EIF2B3: variants seen among roughly 807,000 people sequenced by gnomAD.
The protein encoded by EIF2B3 is translation initiation factor eIF2B subunit gamma.
Under a neutral mutation model 54.1 loss-of-function variants are expected in EIF2B3, and 20 were observed. That is an observed-to-expected ratio of 0.37 (90% CI 0.26 to 0.54). The LOEUF is 0.54. EIF2B3 is among the 20% of genes least tolerant of loss of function. The pLI, the probability that EIF2B3 is intolerant of heterozygous loss-of-function variation, is 0.86. For missense variants in EIF2B3, 448 were observed against 547.8 expected, an observed-to-expected ratio of 0.82 and a Z score of 1.82; for synonymous variants, 153 against 188.1, an observed-to-expected ratio of 0.81 and a Z score of 1.52.
intron 3 of EIF2B3, among the ~76,000 whole-genome samples, chr1:44,942,377 T>TTA (rs1170326455): frequency 0.02 from 424 of 21,554 alleles, 8 homozygotes; most frequent in Middle Eastern, 0.029. Flanking sequence ...CTTTCTGATT[T>TTA]TATATATATA....
At chr1:44,898,487 A>G (rs556976579) in intron 5 of EIF2B3, among the ~76,000 whole-genome samples, 5 of 152,342 alleles carry the variant, frequency 3.3e-5, no homozygotes, top group African/African-American at 1.2e-4. Context: ...ATAAATGAAT[A>G]AATGAGGTCA....
At chr1:44,934,480 A>T (rs12729254) in intron 4 of EIF2B3, among the ~76,000 whole-genome samples, 2 of 151,806 alleles carry the variant, frequency 1.3e-5, no homozygotes, top group African/African-American at 4.8e-5. Flanking sequence ...TGTTTTTTAA[A>T]TTTTTTTAAT....
At chr1:44,922,126 C>A (rs1643749237) in intron 5 of EIF2B3, among the ~76,000 whole-genome samples, 1 of 150,950 alleles carries the variant, frequency 6.6e-6, no homozygotes, top group African/African-American at 2.4e-5. Context: ...AGGCTGGTCT[C>A]TGGTCTCTAA....
chr1:44,927,939 A>G (rs1018733865), intron 4 of EIF2B3, among the ~76,000 whole-genome samples: 24 of 152,294 alleles, frequency 1.6e-4, no homozygotes, highest in African/African-American at 5.5e-4. Flanking sequence ...AGGCAGAAGC[A>G]TCACTTGAGC....
chr1:44,881,520 C>T lies in EIF2B3; in HGVS notation c.784+92G>A. The T allele has an allele frequency of 1.3e-6, 2 of 1,512,846 alleles. No homozygotes were observed. Among genetic ancestry groups the T allele is most frequent in the Non-Finnish European group, 1.8e-6 (2 of 1,095,750 alleles). 93.7% of individuals were successfully genotyped at this position (1,512,846 alleles called of 1,614,324 possible). A position where few individuals can be genotyped will look rare whatever the true frequency, so the allele number is the denominator to read the frequency against. On this transcript the variant is annotated intron_variant, in intron 7 of 11. Coordinates refer to ENST00000360403, the MANE Select transcript of EIF2B3 (RefSeq NM_020365.5). The surrounding 1 kb of genome is among the most constrained non-coding windows in gnomAD (Gnocchi z 4.0). ...CTAGAAATAGTCTGCTGCCTTGAGT[C>T]AGGCATCTTGGGCTGGGCTAAGCTG... is the stretch of plus-strand genomic sequence containing the variant.
At chr1:44,966,964 C>T (rs114769629) in intron 3 of EIF2B3, among the ~76,000 whole-genome samples, 1,618 of 151,892 alleles carry the variant, frequency 0.011, 32 homozygotes, top group African/African-American at 0.037. Context: ...TACGAGCACA[C>T]GCCACTATGG....
chr1:44,964,336 C>A (rs1181489795), intron 3 of EIF2B3, among the ~76,000 whole-genome samples: 3 of 152,124 alleles, frequency 2.0e-5, no homozygotes, highest in African/African-American at 7.2e-5. Context: ...GGACCAAGTT[C>A]TCAGATCTTC....
At chr1:44,929,982 T>C (rs1643882134) in intron 4 of EIF2B3, among the ~76,000 whole-genome samples, 1 of 152,208 alleles carries the variant, frequency 6.6e-6, no homozygotes, top group Non-Finnish European at 1.5e-5. Context: ...CAGGTAATTG[T>C]AGAATGTCTT....
chr1:44,963,327 G>A (rs1644305125), intron 3 of EIF2B3, among the ~76,000 whole-genome samples: 1 of 150,464 alleles, frequency 6.6e-6, no homozygotes, highest in Non-Finnish European at 1.5e-5. Flanking sequence ...CTGAAGTGCA[G>A]TGGCTGATCT....
chr1:44,887,733 C>T (rs931718834), intron 6 of EIF2B3, among the ~76,000 whole-genome samples: 4 of 151,956 alleles, frequency 2.6e-5, no homozygotes, highest in Admixed American at 2.0e-4. Context: ...GGTGAAACAC[C>T]ATCTCTATTA....
At chr1:44,950,113 C>T (rs984786567) in intron 3 of EIF2B3, among the ~76,000 whole-genome samples, 1 of 152,150 alleles carries the variant, frequency 6.6e-6, no homozygotes, top group African/African-American at 2.4e-5. Context: ...AAAAATACAA[C>T]TAATAAATCT....
chr1:44,936,464 G>A (rs1458618494), intron 4 of EIF2B3, among the ~76,000 whole-genome samples: 7 of 151,386 alleles, frequency 4.6e-5, no homozygotes, highest in Admixed American at 6.6e-5. Context: ...GGTGGTGGAC[G>A]CCTGTAAACC....
At chr1:44,934,254 T>A (rs1449569877) in intron 4 of EIF2B3, among the ~76,000 whole-genome samples, 1 of 141,406 alleles carries the variant, frequency 7.1e-6, no homozygotes, top group Non-Finnish European at 1.5e-5. Context: ...AAAAATTAGC[T>A]AGGTGCAGTG....
intron 1 of EIF2B3, among the ~76,000 whole-genome samples, chr1:44,984,657 G>A (rs1254658359): frequency 6.6e-6 from 1 of 152,060 alleles, no homozygotes; most frequent in Non-Finnish European, 1.5e-5. Context: ...TATTAGCTGT[G>A]TGAACTAGGG....
intron 5 of EIF2B3, among the ~76,000 whole-genome samples, chr1:44,907,847 G>A (rs1250031487): frequency 2.3e-5 from 3 of 128,758 alleles, no homozygotes; most frequent in East Asian, 2.3e-4. Context: ...CCGAGATCAC[G>A]CCATTGCACT....
At chr1:44,925,659 G>T (rs1643836294) in intron 5 of EIF2B3, among the ~76,000 whole-genome samples, 1 of 152,186 alleles carries the variant, frequency 6.6e-6, no homozygotes, top group Admixed American at 6.5e-5. Flanking sequence ...GGGCACGGTG[G>T]CTCACTCCTG....
chr1:44,944,152 G>GA (rs1236592459), intron 3 of EIF2B3, among the ~76,000 whole-genome samples: 1 of 151,316 alleles, frequency 6.6e-6, no homozygotes, highest in Non-Finnish European at 1.5e-5. Flanking sequence ...TCCAAAGAAA[G>GA]AAAAAAAAGA....
At chr1:44,972,130 T>C (rs1246500809) in intron 3 of EIF2B3, among the ~76,000 whole-genome samples, 1 of 151,968 alleles carries the variant, frequency 6.6e-6, no homozygotes, top group Non-Finnish European at 1.5e-5. Context: ...GGCTCATACT[T>C]GTAATCCCAG....
At chr1:44,898,863 T>A (rs1230272712) in intron 5 of EIF2B3, among the ~76,000 whole-genome samples, 2 of 152,148 alleles carry the variant, frequency 1.3e-5, no homozygotes, top group African/African-American at 4.8e-5. Flanking sequence ...GCTAATTTTT[T>A]TTATTTTTGG....
Sources: gnomAD v4.1 joint callset for allele counts (sites outside exome capture counted in the v4.1 genomes callset) on GRCh38, gnomAD v4.1.1 for gene constraint, Gnocchi (gnomAD v3.1) non-coding constraint, MANE v1.5 for transcripts, NCBI Gene and HGNC (gene_info 2026-07-23, HGNC 2026-07-21) for gene names.